The following TSG101 variants were observed in gnomAD, a reference collection of about 807,000 sequenced individuals.
TSG101 encodes the protein tumor susceptibility 101.
Under a neutral mutation model 48.5 loss-of-function variants are expected in TSG101, and 19 were observed. The observed-to-expected ratio is 0.39, with a 90% CI of 0.27 to 0.58. TSG101 has a LOEUF of 0.58. TSG101 is among the 20% of genes least tolerant of loss of function. The pLI is 0.55. For missense variants in TSG101, 365 were observed against 484.4 expected, an observed-to-expected ratio of 0.75 and a Z score of 2.31; for synonymous variants, 174 against 169.4, an observed-to-expected ratio of 1.03 and a Z score of -0.21.
chr11:18,524,524 A>C (rs1850333854), intron 1 of TSG101, among the ~76,000 whole-genome samples: 3 of 152,228 alleles, frequency 2.0e-5, no homozygotes, highest in Admixed American at 2.0e-4. Flanking sequence ...AGGAGGAAGG[A>C]GCCCCACAAC....
At chr11:18,480,671 G>T (rs1849517615) in intron 9 of TSG101, 36 bp from the exon 10 acceptor site, 1 of 1,589,922 alleles carries the variant, frequency 6.3e-7, no homozygotes, top group Non-Finnish European at 8.6e-7. Context: ...GTTTAGAATG[G>T]CTTTGATTTA....
chr11:18,480,559 C>T lies in TSG101; in HGVS notation c.1160G>A (p.Ser387Asn), dbSNP rs1202007911. ...MQKARKTAGL[S>N]DLY ...GTATCAGAGAAGTCAGTAGAGGTCA[C>T]TGAGACCGGCAGTCTTTCTTGCTTT... is the stretch of plus-strand genomic sequence containing the variant. The change falls in exon 10 of 10, where the codon AGT becomes AAT. Residue 387 changes from serine to asparagine, a missense_variant. Physicochemically the swap from Ser to Asn is conservative, Grantham distance 46. Coordinates refer to ENST00000251968, the MANE Select transcript of TSG101 (RefSeq NM_006292.4). 1 of 1,613,798 alleles carries T rather than the reference C, an allele frequency of 6.2e-7. No individual in the cohort carries two copies. The highest frequency in any genetic ancestry group is 1.7e-5 in the Admixed American group (1 of 59,984).
intron 1 of TSG101, among the ~76,000 whole-genome samples, chr11:18,520,982 G>C (rs888531118): frequency 4.0e-5 from 6 of 151,508 alleles, no homozygotes; most frequent in Non-Finnish European, 5.9e-5. Context: ...AGTGAGCCGA[G>C]ATCGTGCCCT....
intron 8 of TSG101, 51 bp downstream of exon 8, chr11:18,483,819 C>T: frequency 6.3e-7 from 1 of 1,592,868 alleles, no homozygotes. Flanking sequence ...GAACACTCTG[C>T]CATGGCTACA....
chr11:18,487,563 C>T (rs1849638146), intron 7 of TSG101, among the ~76,000 whole-genome samples: 2 of 152,284 alleles, frequency 1.3e-5, no homozygotes, highest in East Asian at 3.9e-4. Context: ...GAGGTAGTCT[C>T]ACTATGTTGC....
At chr11:18,523,025 G>A (rs1415534263) in intron 1 of TSG101, among the ~76,000 whole-genome samples, 1 of 152,100 alleles carries the variant, frequency 6.6e-6, no homozygotes, top group Admixed American at 6.5e-5. Context: ...AACCAGCTGG[G>A]ATTAGAGGTA....
intron 6 of TSG101, among the ~76,000 whole-genome samples, chr11:18,504,243 A>G (rs943181881): frequency 6.6e-6 from 1 of 151,530 alleles, no homozygotes; most frequent in African/African-American, 2.4e-5. Flanking sequence ...ACACTGGAGC[A>G]AGAGCTCCTT....
chr11:18,513,999 G>A (rs889605060), intron 4 of TSG101, among the ~76,000 whole-genome samples: 1 of 151,924 alleles, frequency 6.6e-6, no homozygotes, highest in Non-Finnish European at 1.5e-5. Flanking sequence ...AAGCTGAATT[G>A]CTTGGACCTG....
At chr11:18,509,006 G>C (rs935310389) in intron 5 of TSG101, among the ~76,000 whole-genome samples, 2 of 152,038 alleles carry the variant, frequency 1.3e-5, no homozygotes, top group African/African-American at 2.4e-5. Context: ...TTCCAATTAG[G>C]GGAGAAGCAA....
In TSG101 at chr11:18,481,705, G is replaced by A. The variant is rs776726144; in HGVS notation, c.1008C>T (p.Asn336=). 22 of 1,613,972 alleles carry A rather than the reference G, an allele frequency of 1.4e-5. No individual in the cohort carries two copies. Among genetic ancestry groups the A allele is most frequent in the South Asian group, 2.2e-5 (2 of 91,080 alleles). Residue 336 remains asparagine (N), a synonymous_variant, in exon 9 of 10, where the codon AAC becomes AAT. Coordinates refer to ENST00000251968, the MANE Select transcript of TSG101 (RefSeq NM_006292.4). ...KQILNLYAEE[N]AIEDTIFYLG... is the part of the protein sequence containing the mutation. ...AGTAAAAGATAGTGTCTTCAATAGC[G>A]TTTTCTTCTGCATACAGATTCAGGA...
At chr11:18,520,571 A>AT (rs1850253292) in intron 1 of TSG101, among the ~76,000 whole-genome samples, 1 of 152,136 alleles carries the variant, frequency 6.6e-6, no homozygotes, top group South Asian at 2.1e-4. Flanking sequence ...TACTTAACTG[A>AT]TGGGCACATC....
intron 7 of TSG101, among the ~76,000 whole-genome samples, chr11:18,500,701 A>T (rs1286604040): frequency 6.6e-6 from 1 of 151,770 alleles, no homozygotes; most frequent in Non-Finnish European, 1.5e-5. Flanking sequence ...TGGTTTCAAT[A>T]CCTTGTATAT....
intron 6 of TSG101, among the ~76,000 whole-genome samples, chr11:18,504,925 C>G (rs761366222): frequency 6.6e-6 from 1 of 152,150 alleles, no homozygotes; most frequent in Non-Finnish European, 1.5e-5. Flanking sequence ...TTATATATTA[C>G]TACCAAAGGA....
chr11:18,525,823 CAAG>C (rs1445582884), intron 1 of TSG101: 1 of 354,560 alleles, frequency 2.8e-6, no homozygotes, highest in African/African-American at 2.2e-5. Flanking sequence ...GGTCTTCAAT[CAAG>C]AACTATGGGG....
rs1488689155 is a variant in TSG101, at chr11:18,509,817, AT to A, written c.358-153del. 13 of 879,814 alleles carry A rather than the reference AT, an allele frequency of 1.5e-5. No homozygotes were observed. The Admixed American group carries it at 4.2e-4, about 28-fold the overall frequency. The allele number at this position is 879,814 out of a possible 1,614,324, so 54.5% of individuals were successfully genotyped here. ...AATTTCATTTAATTAATTTATTTTA[AT>A]AGAGTTAAGTGGTTTTAAACATGAT... On this transcript the variant is annotated intron_variant, in intron 4 of 9. Coordinates refer to ENST00000251968, the MANE Select transcript of TSG101 (RefSeq NM_006292.4).
chr11:18,494,502 T>C (rs1440532488), intron 7 of TSG101, among the ~76,000 whole-genome samples: 1 of 152,208 alleles, frequency 6.6e-6, no homozygotes, highest in Non-Finnish European at 1.5e-5. Flanking sequence ...TTTAAAAGCT[T>C]TCAAATCTAT....
At chr11:18,497,896 A>G (rs1042924215) in intron 7 of TSG101, among the ~76,000 whole-genome samples, 5 of 152,182 alleles carry the variant, frequency 3.3e-5, no homozygotes, top group African/African-American at 1.2e-4. Context: ...GGTGGAAATA[A>G]CCCTTTATGG....
intron 6 of TSG101, among the ~76,000 whole-genome samples, chr11:18,502,882 G>A (rs1454585473): frequency 6.6e-6 from 1 of 152,192 alleles, no homozygotes; most frequent in Non-Finnish European, 1.5e-5. Context: ...GAAGCAACAA[G>A]TAATTTGTGA....
At chr11:18,491,343 G>A (rs905711271) in intron 7 of TSG101, among the ~76,000 whole-genome samples, 4 of 152,184 alleles carry the variant, frequency 2.6e-5, no homozygotes, top group Non-Finnish European at 5.9e-5. Context: ...AACCTCTGGA[G>A]GAGCTGGAGA....
Sources: allele counts gnomAD v4.1 joint callset (sites outside exome capture counted in the v4.1 genomes callset), GRCh38; gene constraint gnomAD v4.1.1; transcripts MANE v1.5; gene names NCBI Gene and HGNC (gene_info 2026-07-23, HGNC 2026-07-21).